The following LRRC37A3 variants were observed in gnomAD, a reference collection of about 807,000 sequenced individuals.
LRRC37A3 encodes leucine-rich repeat-containing protein 37A3.
Under a neutral mutation model 106.2 loss-of-function variants are expected in LRRC37A3, and 25 were observed. That is an observed-to-expected ratio of 0.24 (90% CI 0.17 to 0.33). LRRC37A3 has a LOEUF of 0.33. LRRC37A3 is among the 10% of genes least tolerant of loss of function. The pLI is 1.00. For missense variants in LRRC37A3, 712 were observed against 1,644.9 expected, an observed-to-expected ratio of 0.43 and a Z score of 9.81; for synonymous variants, 305 against 635.8, an observed-to-expected ratio of 0.48 and a Z score of 7.83.
chr17:64,910,637 CTTTTTTT>C (rs926231139), intron 2 of LRRC37A3, among the ~76,000 whole-genome samples: 5 of 96,478 alleles, frequency 5.2e-5, no homozygotes, highest in Admixed American at 1.4e-4. Context: ...ATTGTCCCCC[CTTTTTTT>C]TTTTTTTTTT....
intron 8 of LRRC37A3, among the ~76,000 whole-genome samples, chr17:64,872,284 G>A (rs1973351075): frequency 1.4e-5 from 2 of 147,700 alleles, no homozygotes; most frequent in African/African-American, 5.0e-5. Context: ...AAGTCTTGCA[G>A]CAACCCAAGG....
At chr17:64,861,285 C>G (rs1972859850) in intron 11 of LRRC37A3, among the ~76,000 whole-genome samples, 1 of 152,222 alleles carries the variant, frequency 6.6e-6, no homozygotes, top group Admixed American at 6.5e-5. Flanking sequence ...AGGTGGAAGA[C>G]AAGTGCTTCC....
At chr17:64,865,272 T>C (rs1973024006) in intron 10 of LRRC37A3, among the ~76,000 whole-genome samples, 1 of 152,130 alleles carries the variant, frequency 6.6e-6, no homozygotes, top group Admixed American at 6.5e-5. Context: ...GCCTCCTGAG[T>C]AGCTAGAACT....
intron 2 of LRRC37A3, among the ~76,000 whole-genome samples, chr17:64,910,654 T>C (rs1312192710): frequency 5.2e-4 from 75 of 143,386 alleles, no homozygotes; most frequent in Non-Finnish European, 8.5e-4. Flanking sequence ...TTTTTTTTTT[T>C]TTTTTTTTGA....
chr17:64,898,259 TGGG>T, intron 3 of LRRC37A3, 100 bp downstream of exon 3: 5 of 336,704 alleles, frequency 1.5e-5, no homozygotes, highest in Non-Finnish European at 2.0e-5. Flanking sequence ...GAGGCCGAGG[TGGG>T]GGGATCACTG....
Position 64,872,773 on chromosome 17 carries a change from T to A in LRRC37A3, c.2907-3607A>T, listed in dbSNP as rs572171151. Among the ~76,000 whole-genome samples, 139 of 152,298 alleles carry A rather than the reference T, an allele frequency of 9.1e-4. 1 individual carries two copies. The South Asian group carries it at 0.027, about 30-fold the overall frequency. ...AAGACATATTCCTGGCAATTTGGAA[T>A]CTCACGCGCATGCATAGGGCAGACT... On this transcript the variant is annotated intron_variant, in intron 8 of 14. Transcript: ENST00000584306.
chr17:64,863,289 C>T (rs908150093), intron 10 of LRRC37A3: 8 of 460,682 alleles, frequency 1.7e-5, no homozygotes, highest in African/African-American at 1.4e-4. Flanking sequence ...AGTATCTCTT[C>T]CCAACTCAAA....
Position 64,860,920 on chromosome 17 carries a change from C to T in LRRC37A3, c.3226G>A (p.Ala1076Thr), listed in dbSNP as rs1326099364. Residue 1076 changes from alanine to threonine, a missense_variant, in exon 12 of 15, where the codon GCC becomes ACC. Transcript: ENST00000584306. ...PEGAFMKVLQ[A>T]RKNYTSTELI... ...TCAGTGCTTGTGTAATTCTTCCGGG[C>T]TTGTAACACCTTCATGAACGCTCCT... 6.2e-7 allele frequency: 1 copy of T among 1,614,080 alleles called. No homozygotes were observed. The highest frequency in any genetic ancestry group is 8.5e-7 in the Non-Finnish European group (1 of 1,179,960).
chr17:64,880,678 A>G (rs1308588941), intron 8 of LRRC37A3, among the ~76,000 whole-genome samples: 1 of 152,170 alleles, frequency 6.6e-6, no homozygotes, highest in Non-Finnish European at 1.5e-5. Context: ...AGATGAGGAA[A>G]ACTGAAATAT....
intron 8 of LRRC37A3, chr17:64,871,686 C>A (rs1973318322): frequency 6.6e-6 from 1 of 152,046 alleles, no homozygotes; most frequent in Non-Finnish European, 1.5e-5. Flanking sequence ...AGTGCGGACA[C>A]CCAATCAGCA....
Position 64,860,917 on chromosome 17 carries a change from G to C in LRRC37A3, c.3229C>G (p.Arg1077Gly). The change falls in exon 12 of 15, where the codon CGG becomes GGG. Residue 1077 changes from arginine (R) to glycine (G), a missense_variant. By Grantham distance (125) the Arg-to-Gly change is moderately radical (BLOSUM62 -2). Coordinates refer to ENST00000584306, the MANE Select transcript of LRRC37A3 (RefSeq NM_199340.5). ...AGCTCAGTGCTTGTGTAATTCTTCC[G>C]GGCTTGTAACACCTTCATGAACGCT... ...EGAFMKVLQA[R>G]KNYTSTELII... 4 of 1,614,026 alleles carry C rather than the reference G, an allele frequency of 2.5e-6. No homozygotes were observed. Among genetic ancestry groups the C allele is most frequent in the Non-Finnish European group, 3.4e-6 (4 of 1,179,958 alleles).
chr17:64,908,810 C>T (rs1974519541), intron 2 of LRRC37A3, among the ~76,000 whole-genome samples: 1 of 142,976 alleles, frequency 7.0e-6, no homozygotes, highest in African/African-American at 3.0e-5. Flanking sequence ...GTGGCTTGTA[C>T]CTAGCTACTT....
intron 13 of LRRC37A3, among the ~76,000 whole-genome samples, chr17:64,857,894 T>A (rs1023681577): frequency 6.6e-6 from 1 of 152,106 alleles, no homozygotes; most frequent in Non-Finnish European, 1.5e-5. Flanking sequence ...AAATGGTAAA[T>A]GAGGCAAATA....
At chr17:64,867,411 C>G (rs2143428595) in intron 10 of LRRC37A3, among the ~76,000 whole-genome samples, 1 of 151,990 alleles carries the variant, frequency 6.6e-6, no homozygotes, top group Non-Finnish European at 1.5e-5. Context: ...CGGAATACTA[C>G]TCAGCAATAA....
chr17:64,880,566 T>C lies in LRRC37A3; in HGVS notation c.2906+5520A>G, dbSNP rs1973665904. Reference sequence around the variant, plus strand: ...GTCCATCGACTTTTTGGTATCTTTATGGGAGTAAAATGTGGCAAGCTTTTT... The same window carrying C: ...GTCCATCGACTTTTTGGTATCTTTACGGGAGTAAAATGTGGCAAGCTTTTT... On this transcript the variant is annotated intron_variant, in intron 8 of 14. Transcript: ENST00000584306. Among the ~76,000 whole-genome samples, 3 of 152,222 alleles carry C rather than the reference T, an allele frequency of 2.0e-5. No individual in the cohort carries two copies. In the South Asian group the frequency reaches 6.2e-4, roughly 31 times the overall value.
At position 64,869,025 on chromosome 17, in the gene LRRC37A3, C is replaced by G; in HGVS notation, c.2978+70G>C. On this transcript the variant is annotated intron_variant, in intron 9 of 14. Coordinates refer to ENST00000584306, the MANE Select transcript of LRRC37A3 (RefSeq NM_199340.5). Reference sequence around the variant, plus strand: ...GACATTTTAGCCTAAATGCAAAATACTTAAGCTTTGATGAAAAATTTAAAA... The same window carrying G: ...GACATTTTAGCCTAAATGCAAAATAGTTAAGCTTTGATGAAAAATTTAAAA... The G allele has an allele frequency of 2.0e-6, 3 of 1,536,436 alleles. No homozygotes were observed. In the South Asian group the frequency reaches 3.8e-5, roughly 19 times the overall value.
intron 8 of LRRC37A3, among the ~76,000 whole-genome samples, chr17:64,880,335 T>C (rs181808299): frequency 2.6e-4 from 40 of 152,290 alleles, no homozygotes; most frequent in Admixed American, 2.5e-3. Context: ...TTTGTAGAGA[T>C]TGGGGTCTCA....
chr17:64,855,803 A>T, intron 14 of LRRC37A3, 37 bp downstream of exon 14: 1 of 1,610,688 alleles, frequency 6.2e-7, no homozygotes, highest in South Asian at 1.1e-5. Flanking sequence ...CTCCGTCTCA[A>T]AAGAAAAGAA....
intron 2 of LRRC37A3, among the ~76,000 whole-genome samples, chr17:64,914,253 T>C (rs1222650944): frequency 6.6e-6 from 1 of 151,948 alleles, no homozygotes; most frequent in African/African-American, 2.4e-5. Context: ...AATTCTAAGA[T>C]ATGTTTTTAA....
Sources: gnomAD v4.1 joint callset for allele counts (sites outside exome capture counted in the v4.1 genomes callset) on GRCh38, gnomAD v4.1.1 for gene constraint, MANE v1.5 for transcripts, NCBI Gene and HGNC (gene_info 2026-07-23, HGNC 2026-07-21) for gene names.